The following PLEKHG7 variants were observed in gnomAD, a reference collection of about 807,000 sequenced individuals.
The protein encoded by PLEKHG7 is pleckstrin homology domain-containing family G member 7.
PLEKHG7 carries 77 observed loss-of-function variants against 85.2 expected under a neutral mutation model. The ratio of observed to expected loss-of-function variants is 0.90; its 90% CI spans 0.75 to 1.09. PLEKHG7 has a LOEUF of 1.09. Ranked by LOEUF, PLEKHG7 falls within the 50% of genes least tolerant of loss-of-function variation. The probability of loss-of-function intolerance (pLI) is 0.00; values close to 1 mark genes in which losing one functional copy is unlikely to be tolerated. For synonymous variants in PLEKHG7, 301 were observed against 302.4 expected (o/e 1.00, Z 0.05); for missense variants, 777 against 804.3 (o/e 0.97, Z 0.41).
At chr12:92,757,041 A>T (rs1202388388) in intron 13 of PLEKHG7, among the ~76,000 whole-genome samples, 2 of 152,186 alleles carry the variant, frequency 1.3e-5, no homozygotes, top group Non-Finnish European at 2.9e-5. Flanking sequence ...GCACAGCTGG[A>T]GAAGTCTTGG....
chr12:92,704,499 A>T (rs1028626877), intron 1 of PLEKHG7, among the ~76,000 whole-genome samples: 1 of 152,162 alleles, frequency 6.6e-6, no homozygotes, highest in African/African-American at 2.4e-5. Context: ...AACTGAACAT[A>T]AGTTTCCTAA....
At position 92,711,643 on chromosome 12, in the gene PLEKHG7, GCAGA is replaced by G. The variant is rs555522223; in HGVS notation, c.530+3972_530+3975del. ...TCTCTCAAAAGGAGAGTAGTTATCT[GCAGA>G]AGATGGCAGGGTCTTGCTCCAAAAT... On this transcript the variant is annotated intron_variant, in intron 3 of 16. Transcript: ENST00000344636. 6.1e-4 allele frequency among the ~76,000 whole-genome samples: 93 copies of G among 152,298 alleles called. 3 individuals carry two copies. In the East Asian group the frequency reaches 0.018, roughly 29 times the overall value.
intron 3 of PLEKHG7, among the ~76,000 whole-genome samples, chr12:92,716,977 T>C (rs1871507514): frequency 1.3e-5 from 2 of 152,318 alleles, no homozygotes; most frequent in Admixed American, 6.5e-5. Context: ...AAAAGACAGC[T>C]TGAAGCCAAG....
chr12:92,765,543 C>T (rs1053626188), intron 15 of PLEKHG7, among the ~76,000 whole-genome samples: 21 of 151,494 alleles, frequency 1.4e-4, no homozygotes, highest in African/African-American at 4.6e-4. Flanking sequence ...GCAAGAGAAT[C>T]GCTTGAACCC....
chr12:92,744,611 G>T (rs142943780), intron 9 of PLEKHG7, among the ~76,000 whole-genome samples: 44 of 151,234 alleles, frequency 2.9e-4, no homozygotes, highest in African/African-American at 1.1e-3. Context: ...AAGATAAAGC[G>T]CATGCTACTA....
In PLEKHG7 at chr12:92,706,818, C is replaced by A; in HGVS notation, c.187C>A (p.Gln63Lys). 1 of 1,613,980 alleles carries A rather than the reference C, an allele frequency of 6.2e-7. No individual in the cohort carries two copies. Among genetic ancestry groups the A allele is most frequent in the South Asian group, 1.1e-5 (1 of 91,084 alleles). ...RLRTRGCGTR[Q>K]DAWQVTTWGS... is the part of the protein sequence containing the mutation. ...AAGGACCCGTGGCTGTGGGACAAGG[C>A]AGGATGCCTGGCAGGTGACCACCTG... Residue 63 changes from glutamine (Q) to lysine (K), a missense_variant, in exon 2 of 17, where the codon CAG (glutamine) becomes AAG (lysine). This residue lies in a region of PLEKHG7 where 252 missense variants were observed against 241.9 expected (regional missense o/e 1.04). Coordinates refer to ENST00000344636, the MANE Select transcript of PLEKHG7 (RefSeq NM_001377329.1).
intron 3 of PLEKHG7, among the ~76,000 whole-genome samples, chr12:92,709,427 A>G (rs1871325521): frequency 6.6e-6 from 1 of 152,222 alleles, no homozygotes. Context: ...GTTAGAGTGT[A>G]GGTCTTGTGT....
intron 13 of PLEKHG7, 77 bp from the exon 14 acceptor site, chr12:92,761,675 A>G (rs1873034384): frequency 1.6e-6 from 2 of 1,287,808 alleles, no homozygotes; most frequent in Non-Finnish European, 2.0e-6. Context: ...AGAAAGAAAG[A>G]AAGAAAGAAA....
intron 1 of PLEKHG7, among the ~76,000 whole-genome samples, chr12:92,705,127 G>T (rs1871196731): frequency 6.6e-6 from 1 of 152,228 alleles, no homozygotes; most frequent in Admixed American, 6.5e-5. Context: ...AAAGCATAGT[G>T]AGAAGTAAGG....
chr12:92,721,592 G>T, intron 3 of PLEKHG7: 1 of 1,176,736 alleles, frequency 8.5e-7, no homozygotes, highest in Non-Finnish European at 1.1e-6. Flanking sequence ...CAGTGGAAGG[G>T]TGTCCTGCTC....
In PLEKHG7 at chr12:92,743,946, C is replaced by T. The variant is rs575656860; in HGVS notation, c.1138-1532C>T. Among the ~76,000 whole-genome samples, 125 of 152,318 alleles carry T rather than the reference C, an allele frequency of 8.2e-4. 1 individual carries two copies. Among genetic ancestry groups the T allele is most frequent in the African/African-American group, 2.9e-3 (119 of 41,574 alleles). Reference sequence around the variant, plus strand: ...GCATCTCAGTGTCCATGAGAAGACCCTCTCTTTACCTCCAAGTCCTTTTCA... The same window carrying T: ...GCATCTCAGTGTCCATGAGAAGACCTTCTCTTTACCTCCAAGTCCTTTTCA... On this transcript the variant is annotated intron_variant, in intron 9 of 16. Transcript: ENST00000344636.
In PLEKHG7 at chr12:92,756,362, T is replaced by G; in HGVS notation, c.1607T>G (p.Leu536Arg). ...ATCTTGTCACCAACCAGCAGACACC[T>G]TCTCTATGAAGGAAAATTAACTCTT... ...ENILSPTSRH[L>R]LYEGKLTLAE... Residue 536 changes from leucine (L) to arginine (R), a missense_variant, in exon 13 of 17, where the codon CTT becomes CGT. This residue lies in a region of PLEKHG7 where 520 missense variants were observed against 544.0 expected (regional missense o/e 0.96). Transcript: ENST00000344636. 6.2e-7 allele frequency: 1 copy of G among 1,613,044 alleles called. No individual in the cohort carries two copies. The highest frequency in any genetic ancestry group is 8.5e-7 in the Non-Finnish European group (1 of 1,179,014).
chr12:92,745,498 T>C lies in PLEKHG7; in HGVS notation c.1158T>C (p.Cys386=). ...VLTKYFRGSL[C]QSHQTYCLNY... ...TGCAGTATTTCCGAGGGAGTCTCTGTCAGAGCCACCAGACCTACTGCCTGA... is the reference window on the plus strand; with the variant it reads ...TGCAGTATTTCCGAGGGAGTCTCTGCCAGAGCCACCAGACCTACTGCCTGA... Residue 386 remains cysteine (C), a synonymous_variant, in exon 10 of 17, where the codon TGT becomes TGC. Coordinates refer to ENST00000344636, the MANE Select transcript of PLEKHG7 (RefSeq NM_001377329.1). 2.5e-6 allele frequency: 4 copies of C among 1,613,538 alleles called. No individual in the cohort carries two copies. The highest frequency in any genetic ancestry group is 3.4e-6 in the Non-Finnish European group (4 of 1,179,454).
At chr12:92,752,839 T>G (rs979083736) in intron 10 of PLEKHG7, among the ~76,000 whole-genome samples, 1 of 152,168 alleles carries the variant, frequency 6.6e-6, no homozygotes, top group Non-Finnish European at 1.5e-5. Flanking sequence ...GAAAGTCTCC[T>G]GGTGCCAGCA....
chr12:92,757,717 G>A (rs945786070), intron 13 of PLEKHG7, among the ~76,000 whole-genome samples: 9 of 152,132 alleles, frequency 5.9e-5, no homozygotes, highest in East Asian at 3.8e-4. Context: ...GTAAATGACC[G>A]AGTACCAGCT....
At chr12:92,703,394 T>G (rs1871139899) in intron 1 of PLEKHG7, among the ~76,000 whole-genome samples, 1 of 152,238 alleles carries the variant, frequency 6.6e-6, no homozygotes. Flanking sequence ...ATTTCCTCTT[T>G]TAAACATAAA....
intron 5 of PLEKHG7, 115 bp downstream of exon 5, chr12:92,732,388 A>C: frequency 3.5e-6 from 2 of 579,706 alleles, no homozygotes; most frequent in South Asian, 1.8e-4. Context: ...GGCAGATGGC[A>C]CGTGAAATAT....
intron 13 of PLEKHG7, among the ~76,000 whole-genome samples, chr12:92,757,949 G>C (rs1380756076): frequency 6.6e-6 from 1 of 152,228 alleles, no homozygotes; most frequent in African/African-American, 2.4e-5. Flanking sequence ...CGGAAGTTCA[G>C]TGGTGAACAC....
rs1873462350 is a variant in PLEKHG7 at position 92,772,250 on chromosome 12, TA to T, written c.*2057del. The T allele has an allele frequency of 6.6e-6, 1 of 151,932 alleles. No individual in the cohort carries two copies. Among genetic ancestry groups the T allele is most frequent in the African/African-American group, 2.4e-5 (1 of 41,422 alleles). The allele number at this position is 151,932 out of a possible 1,614,324, so 9.4% of individuals were successfully genotyped here. On this transcript the variant is annotated 3_prime_UTR_variant, in exon 17 of 17. Coordinates refer to ENST00000344636, the MANE Select transcript of PLEKHG7 (RefSeq NM_001377329.1). ...GCAGACACACAATGAAATAAGGGGTTAATTACATATTTTTTATATTTGTTTT... is the reference window on the plus strand; with the variant it reads ...GCAGACACACAATGAAATAAGGGGTTATTACATATTTTTTATATTTGTTTT...
Sources: gnomAD v4.1 joint callset for allele counts (sites outside exome capture counted in the v4.1 genomes callset) on GRCh38, gnomAD v4.1.1 for gene constraint, gnomAD v4.1.1 regional missense constraint, MANE v1.5 for transcripts, NCBI Gene and HGNC (gene_info 2026-07-23, HGNC 2026-07-21) for gene names.